The following CADM3 variants were observed in gnomAD, a reference collection of about 807,000 sequenced individuals.
CADM3 encodes TSLC1-like 1.
CADM3 carries 11 observed loss-of-function variants against 44.9 expected under a neutral mutation model. That is an observed-to-expected ratio of 0.25 (90% CI 0.15 to 0.41). CADM3 has a LOEUF of 0.41. Among genes scored for constraint, CADM3 ranks in the 10% least tolerant of loss-of-function variants. The pLI is 1.00. For missense variants in CADM3, 426 were observed against 512.0 expected, an observed-to-expected ratio of 0.83 and a Z score of 1.62; for synonymous variants, 207 against 205.2, an observed-to-expected ratio of 1.01 and a Z score of -0.08.
At chr1:159,185,221 A>C (rs960840233) in intron 1 of CADM3, among the ~76,000 whole-genome samples, 1 of 152,162 alleles carries the variant, frequency 6.6e-6, no homozygotes, top group Non-Finnish European at 1.5e-5. Flanking sequence ...TCCAAGTAAA[A>C]ATGTACATTC....
At chr1:159,181,659 T>A (rs1411178939) in intron 1 of CADM3, among the ~76,000 whole-genome samples, 2 of 152,182 alleles carry the variant, frequency 1.3e-5, no homozygotes, top group African/African-American at 4.8e-5. Flanking sequence ...ATCCCCTCCC[T>A]TTTTGTCTCT....
chr1:159,196,507 CCTT>C, intron 6 of CADM3, 53 bp downstream of exon 6: 1 of 1,438,758 alleles, frequency 7.0e-7, no homozygotes, highest in Non-Finnish European at 9.7e-7. Flanking sequence ...TCTCAGATTG[CCTT>C]CTTCACATAA....
At chr1:159,183,966 C>T (rs1221841596) in intron 1 of CADM3, among the ~76,000 whole-genome samples, 1 of 152,148 alleles carries the variant, frequency 6.6e-6, no homozygotes, top group African/African-American at 2.4e-5. Flanking sequence ...TTCCTTCTGA[C>T]CAGCGTTTTG....
rs374440725 is a variant in CADM3 at position 159,193,882 on chromosome 1, G to A, written c.533G>A (p.Arg178His). Reference sequence around the variant, plus strand: ...TTCTGCACTCTAGGAGAACCAACCCGCATACAGGAAGATCCCAATGGTAAA... The same window carrying A: ...TTCTGCACTCTAGGAGAACCAACCCACATACAGGAAGATCCCAATGGTAAA... ...GDQELHGEPTRIQEDPNGKTF... is the reference protein window; with the variant it reads ...GDQELHGEPTHIQEDPNGKTF... Residue 178 changes from arginine to histidine, a missense_variant, in exon 5 of 9, where the codon CGC becomes CAC. Transcript: ENST00000368125. The A allele has an allele frequency of 1.5e-5, 24 of 1,613,652 alleles. No homozygotes were observed. The highest frequency in any genetic ancestry group is 4.0e-5 in the African/African-American group (3 of 74,912).
intron 1 of CADM3, among the ~76,000 whole-genome samples, chr1:159,183,910 G>A (rs763246105): frequency 2.4e-4 from 36 of 152,196 alleles, no homozygotes; most frequent in Non-Finnish European, 4.4e-4. Flanking sequence ...ATGTGACATC[G>A]CTGCTGGCTG....
At chr1:159,194,196 A>T in intron 5 of CADM3, 156 bp downstream of exon 5, 1 of 723,716 alleles carries the variant, frequency 1.4e-6, no homozygotes, top group Non-Finnish European at 2.2e-6. Context: ...GGGTTGGCAA[A>T]CTCTTTACAG....
chr1:159,199,829 T>C lies in CADM3; in HGVS notation c.1031T>C (p.Leu344Pro). 1.2e-6 allele frequency: 2 copies of C among 1,614,102 alleles called. No individual in the cohort carries two copies. The highest frequency in any genetic ancestry group is 1.7e-6 in the Non-Finnish European group (2 of 1,180,028). ...ATCGTGGCTTTCATTGTCTTCCTGCTGCTCATCATGCTCATCTTCCTTGGC... is the reference window on the plus strand; with the variant it reads ...ATCGTGGCTTTCATTGTCTTCCTGCCGCTCATCATGCTCATCTTCCTTGGC... ...GGIVAFIVFLLLIMLIFLGHY... is the reference protein window; with the variant it reads ...GGIVAFIVFLPLIMLIFLGHY... Residue 344 changes from leucine (L) to proline (P), a missense_variant, in exon 8 of 9, where the codon CTG becomes CCG. Leu to Pro is a moderately conservative substitution (Grantham distance 98, BLOSUM62 -3). Coordinates refer to ENST00000368125, the MANE Select transcript of CADM3 (RefSeq NM_001127173.3).
At chr1:159,174,763 T>C (rs1194892749) in intron 1 of CADM3, among the ~76,000 whole-genome samples, 3 of 152,192 alleles carry the variant, frequency 2.0e-5, no homozygotes, top group Non-Finnish European at 4.4e-5. Flanking sequence ...GTTTTCACAG[T>C]GGTTGACAAT....
chr1:159,193,649 G>C, intron 4 of CADM3, 89 bp downstream of exon 4: 1 of 1,568,158 alleles, frequency 6.4e-7, no homozygotes, highest in South Asian at 1.1e-5. Context: ...AGGAGGCATG[G>C]TATGGAAGAG....
intron 1 of CADM3, among the ~76,000 whole-genome samples, chr1:159,181,960 T>C (rs1266434472): frequency 6.6e-6 from 1 of 152,098 alleles, no homozygotes; most frequent in Non-Finnish European, 1.5e-5. Flanking sequence ...CTCTGCTTTT[T>C]TTCTTCTCTT....
chr1:159,199,867 C>T lies in CADM3; in HGVS notation c.1069C>T (p.Arg357Trp), dbSNP rs749466138. ...CATCTTCCTTGGCCACTACTTGATCCGGCACAAAGGTCAGAGGCACAAAGA... is the reference window on the plus strand; with the variant it reads ...CATCTTCCTTGGCCACTACTTGATCTGGCACAAAGGTCAGAGGCACAAAGA... ...MLIFLGHYLI[R>W]HKGTYLTHEA... The change falls in exon 8 of 9, where the codon CGG becomes TGG. Residue 357 changes from arginine to tryptophan, a missense_variant. Transcript: ENST00000368125. The T allele has an allele frequency of 9.9e-6, 16 of 1,613,696 alleles. No individual in the cohort carries two copies. The highest frequency in any genetic ancestry group is 2.2e-5 in the East Asian group (1 of 44,858).
chr1:159,200,934 C>T lies in CADM3; in HGVS notation c.*12C>T, dbSNP rs1650164077. 6.3e-7 allele frequency: 1 copy of T among 1,575,302 alleles called. No individual in the cohort carries two copies. The highest frequency in any genetic ancestry group is 8.6e-7 in the Non-Finnish European group (1 of 1,157,782). The stretch of plus-strand genomic sequence containing the variant: ...AATATTTCATCTAGAGGCGCCTGCC[C>T]ACTTCCTGCGCCCCCCAGGGGCCCT... On this transcript the variant is annotated 3_prime_UTR_variant, in exon 9 of 9. Coordinates refer to ENST00000368125, the MANE Select transcript of CADM3 (RefSeq NM_001127173.3).
Position 159,189,976 on chromosome 1 carries a change from A to G in CADM3, c.89-1960A>G, listed in dbSNP as rs1038570308. The stretch of plus-strand genomic sequence containing the variant: ...TTCACCACATGTTCTCACTCCTCTC[A>G]TTACCACACAGCACTTTCTCCTTTC... On this transcript the variant is annotated intron_variant, in intron 1 of 8. Transcript: ENST00000368125. The G allele has an allele frequency of 5.4e-6, 4 of 739,956 alleles. No homozygotes were observed. In the East Asian group the frequency reaches 1.1e-4, roughly 20 times the overall value. 45.8% of individuals were successfully genotyped at this position (739,956 alleles called of 1,614,324 possible). A position where few individuals can be genotyped will look rare whatever the true frequency, so the allele number is the denominator to read the frequency against.
intron 1 of CADM3, among the ~76,000 whole-genome samples, chr1:159,178,921 G>C (rs147036445): frequency 6.6e-6 from 1 of 152,292 alleles, no homozygotes; most frequent in East Asian, 1.9e-4. Context: ...CTACAGCAGA[G>C]TCTAGTTGGA....
intron 8 of CADM3, among the ~76,000 whole-genome samples, chr1:159,200,476 G>A (rs894078340): frequency 2.6e-5 from 4 of 151,744 alleles, no homozygotes; most frequent in Non-Finnish European, 5.9e-5. Flanking sequence ...TCACCAAGTT[G>A]CGTGCACACG....
At chr1:159,181,660 T>G (rs1180834938) in intron 1 of CADM3, among the ~76,000 whole-genome samples, 1 of 152,148 alleles carries the variant, frequency 6.6e-6, no homozygotes, top group Non-Finnish European at 1.5e-5. Context: ...TCCCCTCCCT[T>G]TTTGTCTCTC....
chr1:159,199,893 G>C lies in CADM3; in HGVS notation c.1078+17G>C. 6 of 1,612,828 alleles carry C rather than the reference G, an allele frequency of 3.7e-6. No homozygotes were observed. Among genetic ancestry groups the C allele is most frequent in the Non-Finnish European group, 4.2e-6 (5 of 1,179,458 alleles). On this transcript the variant is annotated intron_variant, in intron 8 of 8. Coordinates refer to ENST00000368125, the MANE Select transcript of CADM3 (RefSeq NM_001127173.3). ...GGCACAAAGGTCAGAGGCACAAAGA[G>C]AGCATCAGCAGAACTTGGGAGGGGC...
Position 159,199,752 on chromosome 1 carries a change from C to G in CADM3, c.954C>G (p.Asp318Glu), listed in dbSNP as rs374461427. Residue 318 changes from aspartate to glutamate, a missense_variant and splice_region_variant, in exon 8 of 9, where the codon GAC becomes GAG. Physicochemically the swap from Asp to Glu is conservative, Grantham distance 45. Around this residue, in one of 2 missense-constraint regions of CADM3, gnomAD observed 362 missense variants for 474.6 expected, o/e 0.76. Transcript: ENST00000368125. ...TGTGTGTGTTGCCCTTTCTTCCAGACCCCAGTCCGGTGCCCTCCTCCTCCA... is the reference window on the plus strand; with the variant it reads ...TGTGTGTGTTGCCCTTTCTTCCAGAGCCCAGTCCGGTGCCCTCCTCCTCCA... ...YKAYYTLNVNDPSPVPSSSST... is the reference protein window; with the variant it reads ...YKAYYTLNVNEPSPVPSSSST... 1.9e-6 allele frequency: 3 copies of G among 1,614,068 alleles called. No homozygotes were observed. Among genetic ancestry groups the G allele is most frequent in the Non-Finnish European group, 2.5e-6 (3 of 1,180,018 alleles).
chr1:159,171,709 A>C lies in CADM3; in HGVS notation c.-57A>C. On this transcript the variant is annotated 5_prime_UTR_variant, in exon 1 of 9. Coordinates refer to ENST00000368125, the MANE Select transcript of CADM3 (RefSeq NM_001127173.3). Reference sequence around the variant, plus strand: ...CGTAGTCCACCCCCTCCCCATCCCCAGCCCCCGGGGATTCAGGCTCGCCAG... The same window carrying C: ...CGTAGTCCACCCCCTCCCCATCCCCCGCCCCCGGGGATTCAGGCTCGCCAG... The C allele has an allele frequency of 1.2e-4, 119 of 1,011,048 alleles. No homozygotes were observed. The highest frequency in any genetic ancestry group is 3.6e-4 in the Middle Eastern group (1 of 2,764). The allele number at this position is 1,011,048 out of a possible 1,614,324, so 62.6% of individuals were successfully genotyped here.
Sources: allele counts gnomAD v4.1 joint callset (sites outside exome capture counted in the v4.1 genomes callset), GRCh38; gene constraint gnomAD v4.1.1; regional missense constraint gnomAD v4.1.1; transcripts MANE v1.5; gene names NCBI Gene and HGNC (gene_info 2026-07-23, HGNC 2026-07-21).